Variants in RBFOX3 observed in about 807,000 individuals in gnomAD.
RBFOX3 encodes RNA binding protein fox-1 homolog 3.
In RBFOX3, 17 loss-of-function variants were observed where a neutral mutation model predicts 48.7. The ratio of observed to expected loss-of-function variants is 0.35; its 90% CI spans 0.24 to 0.52. The LOEUF (loss-of-function observed/expected upper bound fraction) is 0.52, where lower values mean the gene tolerates loss of function less well. Among genes scored for constraint, RBFOX3 ranks in the 20% least tolerant of loss-of-function variants. The probability of loss-of-function intolerance (pLI) is 0.94; values close to 1 mark genes in which losing one functional copy is unlikely to be tolerated. For missense variants in RBFOX3, 382 were observed against 497.5 expected, an observed-to-expected ratio of 0.77 and a Z score of 2.21; for synonymous variants, 212 against 209.5, an observed-to-expected ratio of 1.01 and a Z score of -0.10.
chr17:79,515,148 G>A (rs2085062061), intron 1 of RBFOX3, among the ~76,000 whole-genome samples: 1 of 152,208 alleles, frequency 6.6e-6, no homozygotes, highest in Admixed American at 6.5e-5. Context: ...CTTGGCAGAA[G>A]GGCAGAAGAC....
chr17:79,369,685 T>C (rs1297821139), intron 2 of RBFOX3, among the ~76,000 whole-genome samples: 1 of 152,098 alleles, frequency 6.6e-6, no homozygotes, highest in African/African-American at 2.4e-5. Context: ...TCCAGGTGAT[T>C]CTTCACTGCT....
intron 3 of RBFOX3, among the ~76,000 whole-genome samples, chr17:79,261,520 AGGCCTGTGC>A (rs1467024157): frequency 6.6e-6 from 1 of 152,226 alleles, no homozygotes; most frequent in African/African-American, 2.4e-5. Context: ...GGAGCCTCCC[AGGCCTGTGC>A]GGCTCTCTCT....
intron 3 of RBFOX3, among the ~76,000 whole-genome samples, chr17:79,290,309 GCT>G (rs1472746048): frequency 6.6e-6 from 1 of 152,170 alleles, no homozygotes. Context: ...AGGAATGCAG[GCT>G]CTGGGGTGAG....
chr17:79,531,272 G>T (rs944184853), intron 1 of RBFOX3, among the ~76,000 whole-genome samples: 1 of 152,192 alleles, frequency 6.6e-6, no homozygotes, highest in Admixed American at 6.5e-5. Flanking sequence ...CTGCAGCACA[G>T]GTGCCCACCT....
chr17:79,151,128 G>C (rs2044321015), intron 4 of RBFOX3, among the ~76,000 whole-genome samples: 1 of 152,086 alleles, frequency 6.6e-6, no homozygotes, highest in Non-Finnish European at 1.5e-5. Context: ...GCAGATTCTG[G>C]GTTTGATCCT....
chr17:79,207,012 G>A (rs72846051), intron 4 of RBFOX3, among the ~76,000 whole-genome samples: 2,825 of 152,234 alleles, frequency 0.019, 44 homozygotes, highest in Middle Eastern at 0.075. Flanking sequence ...CTGCTTTGGG[G>A]AGAAAACTCT....
chr17:79,236,811 G>C (rs4789964), intron 3 of RBFOX3, among the ~76,000 whole-genome samples: 81,134 of 151,912 alleles, frequency 0.53, 22,332 homozygotes, highest in Middle Eastern at 0.62. Flanking sequence ...AGTGCCTGGA[G>C]ACCTTCCTTT....
chr17:79,227,178 C>T (rs1056768125), intron 4 of RBFOX3, among the ~76,000 whole-genome samples: 6 of 152,152 alleles, frequency 3.9e-5, no homozygotes, highest in Admixed American at 2.0e-4. Flanking sequence ...TGGTTTTGGC[C>T]GAGACCACCA....
chr17:79,536,632 G>A (rs1239701437), intron 1 of RBFOX3, among the ~76,000 whole-genome samples: 1 of 148,070 alleles, frequency 6.8e-6, no homozygotes, highest in Admixed American at 6.7e-5. Context: ...TGAAGGAGCC[G>A]GCCACAGGGC....
chr17:79,553,226 G>A (rs954131107), intron 1 of RBFOX3, among the ~76,000 whole-genome samples: 52 of 152,262 alleles, frequency 3.4e-4, no homozygotes, highest in South Asian at 8.3e-4. Context: ...TGTTAAAAAA[G>A]ATAATCGTGT....
intron 3 of RBFOX3, among the ~76,000 whole-genome samples, chr17:79,291,024 C>G (rs768274113): frequency 6.6e-6 from 1 of 152,206 alleles, no homozygotes; most frequent in African/African-American, 2.4e-5. Flanking sequence ...CTTCCCACCC[C>G]TCTCCTGGGA....
At chr17:79,281,200 G>C (rs2144401362) in intron 3 of RBFOX3, among the ~76,000 whole-genome samples, 1 of 152,372 alleles carries the variant, frequency 6.6e-6, no homozygotes, top group African/African-American at 2.4e-5. Context: ...GTGGAGTTGA[G>C]GGAAGGATTT....
intron 1 of RBFOX3, among the ~76,000 whole-genome samples, chr17:79,586,814 G>A (rs9330566): frequency 0.56 from 84,597 of 151,998 alleles, 23,863 homozygotes; most frequent in East Asian, 0.76. Flanking sequence ...CAAATGCTAC[G>A]TTTTCCTCTG....
chr17:79,613,928 C>T (rs1176709731), upstream of RBFOX3, among the ~76,000 whole-genome samples: 3 of 152,074 alleles, frequency 2.0e-5, no homozygotes, highest in Non-Finnish European at 4.4e-5. Flanking sequence ...GAGCCGAGAT[C>T]GCGCCACTGT....
Position 79,279,855 on chromosome 17 carries a change from C to T in RBFOX3, c.-74+27869G>A, listed in dbSNP as rs1328516762. Among the ~76,000 whole-genome samples, 10 of 152,274 alleles carry T rather than the reference C, an allele frequency of 6.6e-5. No homozygotes were observed. The South Asian group carries it at 8.3e-4, about 13-fold the overall frequency. ...ACTGAGAGGTTGGAAAAAAAGGACC[C>T]GTGTTGTCTAGGGAGGAACAACTGG... On this transcript the variant is annotated intron_variant, in intron 3 of 14. Coordinates refer to ENST00000693108, the MANE Select transcript of RBFOX3 (RefSeq NM_001350451.2).
chr17:79,498,936 C>T (rs2082010074), intron 1 of RBFOX3, among the ~76,000 whole-genome samples: 1 of 151,260 alleles, frequency 6.6e-6, no homozygotes, highest in East Asian at 2.0e-4. Flanking sequence ...ACTCATCCAT[C>T]CACTCACCCA....
rs923891078 is a variant in RBFOX3, at chr17:79,392,487, T to C, written c.-174-84663A>G. Among the ~76,000 whole-genome samples the C allele has an allele frequency of 6.6e-6, 1 of 152,126 alleles. No individual in the cohort carries two copies. Among genetic ancestry groups the C allele is most frequent in the African/African-American group, 2.4e-5 (1 of 41,416 alleles). On this transcript the variant is annotated intron_variant, in intron 2 of 14. Coordinates refer to ENST00000693108, the MANE Select transcript of RBFOX3 (RefSeq NM_001350451.2). This position sits in a 1 kb window ranked among gnomAD's most constrained non-coding sequence, Gnocchi z 5.0. Reference sequence around the variant, plus strand: ...AGGTGTCTTGTGGCTGTCACTGAGGTTGTTCATAATCTCCTGGCTCCTGTT... The same window carrying C: ...AGGTGTCTTGTGGCTGTCACTGAGGCTGTTCATAATCTCCTGGCTCCTGTT...
At chr17:79,658,476 C>T in the RBFOX3 span, among the ~76,000 whole-genome samples, 1 of 150,258 alleles carries the variant, frequency 6.7e-6, no homozygotes, top group Non-Finnish European at 1.5e-5. Flanking sequence ...CTCCCTCTCT[C>T]TTTCTCTCTC....
intron 2 of RBFOX3, among the ~76,000 whole-genome samples, chr17:79,354,095 A>T (rs757727394): frequency 7.9e-5 from 12 of 152,144 alleles, no homozygotes; most frequent in Non-Finnish European, 1.5e-4. Context: ...TGACATGCAC[A>T]GTCCCCCACT....
Sources: gnomAD v4.1 joint callset for allele counts (sites outside exome capture counted in the v4.1 genomes callset) on GRCh38, gnomAD v4.1.1 for gene constraint, Gnocchi (gnomAD v3.1) non-coding constraint, MANE v1.5 for transcripts, NCBI Gene and HGNC (gene_info 2026-07-23, HGNC 2026-07-21) for gene names.